Variants in ALK observed in about 807,000 individuals in gnomAD.
The protein encoded by ALK is ALK tyrosine kinase receptor.
Under a neutral mutation model 163.1 loss-of-function variants are expected in ALK, and 74 were observed. That is an observed-to-expected ratio of 0.45 (90% CI 0.38 to 0.55). ALK has a LOEUF of 0.55. ALK is among the 20% of genes least tolerant of loss of function. ALK has a pLI of 0.00. For missense variants in ALK, 2,063 were observed against 2,105.3 expected (o/e 0.98, Z 0.39); for synonymous variants, 960 against 843.2 (o/e 1.14, Z -2.40).
At chr2:29,555,379 T>C (rs1673824088) in intron 3 of ALK, among the ~76,000 whole-genome samples, 2 of 152,162 alleles carry the variant, frequency 1.3e-5, no homozygotes, top group South Asian at 2.1e-4. Context: ...TTTGAGTTTT[T>C]TTTGAGGACC....
chr2:29,416,451 G>A (rs528521247), intron 4 of ALK, among the ~76,000 whole-genome samples: 42 of 152,314 alleles, frequency 2.8e-4, no homozygotes, highest in African/African-American at 9.6e-4. Context: ...ATCAAATGTG[G>A]CATCTAAGGG....
intron 3 of ALK, among the ~76,000 whole-genome samples, chr2:29,616,880 C>T (rs1675862979): frequency 6.6e-6 from 1 of 152,184 alleles, no homozygotes. Flanking sequence ...CATTTTAATG[C>T]TAAAGCCCTG....
At chr2:29,624,942 C>G (rs1188317956) in intron 3 of ALK, among the ~76,000 whole-genome samples, 1 of 152,162 alleles carries the variant, frequency 6.6e-6, no homozygotes, top group Non-Finnish European at 1.5e-5. Flanking sequence ...AACCTACACA[C>G]TAGGTGGGGA....
chr2:29,193,743 G>A lies in ALK; in HGVS notation c.4344C>T (p.Ser1448=), dbSNP rs886055929. The part of the protein sequence containing the change: ...PAAPPPLPTT[S]SGKAAKKPTA... ...TGGGTTTCTTTGCAGCCTTGCCAGA[G>A]GAGGTGGTAGGCAGAGGTGGTGGGG... Residue 1448 remains serine, a synonymous_variant, in exon 29 of 29, where the codon TCC becomes TCT. Transcript: ENST00000389048. 7 of 1,601,176 alleles carry A rather than the reference G, an allele frequency of 4.4e-6. No individual in the cohort carries two copies. The highest frequency in any genetic ancestry group is 1.7e-4 in the Middle Eastern group (1 of 6,020).
chr2:29,504,918 G>A (rs186878304), intron 4 of ALK, among the ~76,000 whole-genome samples: 139 of 152,300 alleles, frequency 9.1e-4, no homozygotes, highest in African/African-American at 3.2e-3. Context: ...TGGGTAGAGA[G>A]GGGGAGGCAA....
At position 29,694,876 on chromosome 2, in the gene ALK, G is replaced by T. The variant is rs748017801; in HGVS notation, c.926C>A (p.Ala309Glu). Residue 309 changes from alanine to glutamate, a missense_variant, in exon 3 of 29, where the codon GCA becomes GAA. Transcript: ENST00000389048. ...TCTGGGCATCTCCTTAGAACGCTCT[G>T]CCCCAGGCCCATCCAGCAAGTCCAT... ...SQMDLLDGPG[A>E]ERSKEMPRGS... 6.8e-6 allele frequency: 11 copies of T among 1,613,942 alleles called. No homozygotes were observed. The South Asian group carries it at 1.1e-4, about 16-fold the overall frequency.
intron 4 of ALK, among the ~76,000 whole-genome samples, chr2:29,524,005 T>C (rs563444417): frequency 5.7e-4 from 86 of 152,084 alleles, no homozygotes; most frequent in African/African-American, 2.0e-3. Flanking sequence ...AGCTGCTTCC[T>C]GAGCCCCAGG....
intron 4 of ALK, among the ~76,000 whole-genome samples, chr2:29,511,377 A>T (rs1481313224): frequency 1.3e-5 from 2 of 152,202 alleles, no homozygotes; most frequent in Non-Finnish European, 2.9e-5. Flanking sequence ...AATTACATAT[A>T]AATGGAAGCA....
intron 3 of ALK, among the ~76,000 whole-genome samples, chr2:29,549,550 T>A (rs976049693): frequency 3.8e-4 from 58 of 152,156 alleles, no homozygotes; most frequent in Non-Finnish European, 4.3e-4. Flanking sequence ...AAGAACTGAA[T>A]TTATTTTATT....
At chr2:29,451,616 ACC>A (rs1670822609) in intron 4 of ALK, among the ~76,000 whole-genome samples, 2 of 152,016 alleles carry the variant, frequency 1.3e-5, no homozygotes, top group African/African-American at 2.4e-5. Context: ...TAGACATTTA[ACC>A]CCTGCTTCTC....
intron 1 of ALK, among the ~76,000 whole-genome samples, chr2:29,866,655 C>G (rs1339993502): frequency 6.6e-6 from 1 of 152,160 alleles, no homozygotes. Context: ...CAGAGACTGG[C>G]AGTGACTGAT....
intron 1 of ALK, among the ~76,000 whole-genome samples, chr2:29,863,185 C>T (rs1471027471): frequency 6.6e-6 from 1 of 152,130 alleles, no homozygotes; most frequent in Non-Finnish European, 1.5e-5. Flanking sequence ...AGAGGAAAAG[C>T]TTTTTGACAT....
chr2:29,621,565 G>C (rs1676038410), intron 3 of ALK, among the ~76,000 whole-genome samples: 1 of 152,190 alleles, frequency 6.6e-6, no homozygotes, highest in Non-Finnish European at 1.5e-5. Flanking sequence ...CTGGACAGTG[G>C]GACAAAAGGT....
chr2:29,438,771 C>G (rs1670465031), intron 4 of ALK, among the ~76,000 whole-genome samples: 1 of 152,224 alleles, frequency 6.6e-6, no homozygotes, highest in East Asian at 1.9e-4. Flanking sequence ...GACTGACATT[C>G]TGGCTGTCTT....
chr2:29,436,355 G>C (rs1053125453), intron 4 of ALK, among the ~76,000 whole-genome samples: 1 of 152,206 alleles, frequency 6.6e-6, no homozygotes, highest in Non-Finnish European at 1.5e-5. Flanking sequence ...GAACCCTTGA[G>C]AGCGGGAACC....
chr2:29,823,172 C>T (rs1237581320), intron 1 of ALK, among the ~76,000 whole-genome samples: 1 of 152,154 alleles, frequency 6.6e-6, no homozygotes, highest in Non-Finnish European at 1.5e-5. Context: ...CCTGCTGCCA[C>T]CCATGTAAGA....
intron 3 of ALK, among the ~76,000 whole-genome samples, chr2:29,601,369 T>C (rs1028048862): frequency 1.3e-5 from 2 of 152,212 alleles, no homozygotes; most frequent in African/African-American, 4.8e-5. Flanking sequence ...GGGATAATCA[T>C]GTGTCCTCTG....
At chr2:29,912,377 C>G (rs541546224) in intron 1 of ALK, among the ~76,000 whole-genome samples, 2 of 152,176 alleles carry the variant, frequency 1.3e-5, no homozygotes, top group East Asian at 3.9e-4. Context: ...AATGTAATGG[C>G]AGATTGCTCA....
intron 2 of ALK, among the ~76,000 whole-genome samples, chr2:29,696,925 TA>T (rs1221648153): frequency 4.0e-4 from 50 of 123,804 alleles, no homozygotes; most frequent in Middle Eastern, 4.5e-3. Flanking sequence ...CCCTTTTCCC[TA>T]AAAAAAAAAA....
Sources: allele counts gnomAD v4.1 joint callset (sites outside exome capture counted in the v4.1 genomes callset), GRCh38; gene constraint gnomAD v4.1.1; transcripts MANE v1.5; gene names NCBI Gene and HGNC (gene_info 2026-07-23, HGNC 2026-07-21).